The following HYKK variants were observed in gnomAD, a reference collection of about 807,000 sequenced individuals.
The protein encoded by HYKK is hydroxylysine kinase.
In HYKK, 19 loss-of-function variants were observed where a neutral mutation model predicts 29.7. That is an observed-to-expected ratio of 0.64 (90% CI 0.45 to 0.94). The LOEUF (loss-of-function observed/expected upper bound fraction) is 0.94. HYKK is among the 40% of genes least tolerant of loss of function. HYKK has a pLI of 0.00. For missense variants in HYKK, 390 were observed against 443.4 expected, an observed-to-expected ratio of 0.88 and a Z score of 1.08; for synonymous variants, 152 against 158.1, an observed-to-expected ratio of 0.96 and a Z score of 0.29.
intron 4 of HYKK, among the ~76,000 whole-genome samples, chr15:78,530,874 GT>G (rs1247950397): frequency 6.6e-6 from 1 of 151,582 alleles, no homozygotes; most frequent in Non-Finnish European, 1.5e-5. Context: ...TTGTTTGTTT[GT>G]TTTTGTTTTT....
At chr15:78,517,109 C>CTTTTTTTTTTTTTTTTTTTT (rs34680285) in intron 3 of HYKK, among the ~76,000 whole-genome samples, 2 of 108,404 alleles carry the variant, frequency 1.8e-5, no homozygotes, top group African/African-American at 3.3e-5. Context: ...TTCTTTCTTT[C>CTTTTTTTTTTTTTTTTTTTT]TTTTTTTTTT....
chr15:78,532,890 G>A (rs375973065), intron 4 of HYKK, among the ~76,000 whole-genome samples: 11 of 152,244 alleles, frequency 7.2e-5, no homozygotes, highest in East Asian at 5.8e-4. Context: ...CAATATGAAT[G>A]TGTTTCTATT....
Position 78,533,777 on chromosome 15 carries a change from G to A in HYKK, c.*107G>A. 2.7e-6 allele frequency: 2 copies of A among 734,468 alleles called. No homozygotes were observed. The highest frequency in any genetic ancestry group is 4.5e-6 in the Non-Finnish European group (2 of 440,912). 45.5% of individuals were successfully genotyped at this position (734,468 alleles called of 1,614,324 possible). A position where few individuals can be genotyped will look rare whatever the true frequency, so the allele number is the denominator to read the frequency against. On this transcript the variant is annotated 3_prime_UTR_variant, in exon 5 of 5. Coordinates refer to ENST00000388988, the MANE Select transcript of HYKK (RefSeq NM_001013619.4). ...CTGCATAGTTAAAAATCAACTGATGGAATGGATCAATTCTGAATATGACAG... is the reference window on the plus strand; with the variant it reads ...CTGCATAGTTAAAAATCAACTGATGAAATGGATCAATTCTGAATATGACAG...
Position 78,525,635 on chromosome 15 carries a change from C to T in HYKK, c.478-1745C>T, listed in dbSNP as rs565122148. On this transcript the variant is annotated intron_variant, in intron 3 of 4. Coordinates refer to ENST00000388988, the MANE Select transcript of HYKK (RefSeq NM_001013619.4). ...GCCTCAGCCTCCCAAGTAGTTGGGA[C>T]TACAGGCACCCACCACCATGCCTGG... 5.3e-5 allele frequency among the ~76,000 whole-genome samples: 8 copies of T among 152,132 alleles called. No individual in the cohort carries two copies. The East Asian group carries it at 1.2e-3, about 22-fold the overall frequency.
At chr15:78,536,868 G>A (rs2052367490), downstream of HYKK, among the ~76,000 whole-genome samples, 1 of 152,306 alleles carries the variant, frequency 6.6e-6, no homozygotes, top group African/African-American at 2.4e-5. Flanking sequence ...TCACCAATAT[G>A]GGTGGGCACC....
At chr15:78,524,844 G>C (rs571325747) in intron 3 of HYKK, among the ~76,000 whole-genome samples, 151 of 152,034 alleles carry the variant, frequency 9.9e-4, no homozygotes, top group African/African-American at 3.5e-3. Context: ...ACAAAAAACA[G>C]GTCTCATGAG....
chr15:78,530,695 A>G (rs982930350), intron 4 of HYKK, among the ~76,000 whole-genome samples: 1 of 151,886 alleles, frequency 6.6e-6, no homozygotes, highest in African/African-American at 2.4e-5. Flanking sequence ...ACAGGCATGC[A>G]TTACCATGCC....
chr15:78,531,656 C>T (rs1395909546), intron 4 of HYKK, among the ~76,000 whole-genome samples: 1 of 152,000 alleles, frequency 6.6e-6, no homozygotes, highest in African/African-American at 2.4e-5. Context: ...CTCAGCCTCC[C>T]GAATAGCTGG....
rs200466516 is a variant in HYKK at position 78,533,569 on chromosome 15, G to A, written c.1021G>A (p.Gly341Arg). 45 of 1,613,508 alleles carry A rather than the reference G, an allele frequency of 2.8e-5. No individual in the cohort carries two copies. Among genetic ancestry groups the A allele is most frequent in the Non-Finnish European group, 3.2e-5 (38 of 1,179,802 alleles). Residue 341 changes from glycine to arginine, a missense_variant, in exon 5 of 5, where the codon GGG becomes AGG. Coordinates refer to ENST00000388988, the MANE Select transcript of HYKK (RefSeq NM_001013619.4). ...CTATCTCATGGTTACTGCAAAAACCGGGTGGAAACACTTACAGCAAATGTT... is the reference window on the plus strand; with the variant it reads ...CTATCTCATGGTTACTGCAAAAACCAGGTGGAAACACTTACAGCAAATGTT... The part of the protein sequence containing the change: ...KDYLMVTAKT[G>R]WKHLQQMFDM...
rs1381288316 is a variant in HYKK at position 78,535,221 on chromosome 15, T to C, written c.*1551T>C. Reference sequence around the variant, plus strand: ...AACTAGATATTTCTCTAAATTGTCTTATATGGTTCATTTTTCACTTCTTTG... The same window carrying C: ...AACTAGATATTTCTCTAAATTGTCTCATATGGTTCATTTTTCACTTCTTTG... On this transcript the variant is annotated 3_prime_UTR_variant, in exon 5 of 5. Transcript: ENST00000388988. 1 of 152,044 alleles carries C rather than the reference T, an allele frequency of 6.6e-6. No homozygotes were observed. Among genetic ancestry groups the C allele is most frequent in the Non-Finnish European group, 1.5e-5 (1 of 68,018 alleles). The allele number at this position is 152,044 out of a possible 1,614,324, so 9.4% of individuals were successfully genotyped here. A position where few individuals can be genotyped will look rare whatever the true frequency, so the allele number is the denominator to read the frequency against.
At chr15:78,516,922 T>G (rs1282277251) in intron 3 of HYKK, among the ~76,000 whole-genome samples, 1 of 151,742 alleles carries the variant, frequency 6.6e-6, no homozygotes, top group Non-Finnish European at 1.5e-5. Context: ...CTTGGGAGGC[T>G]GAGGTGGGAG....
In HYKK at chr15:78,520,356, T is replaced by C. The variant is rs1364841740; in HGVS notation, c.477+5249T>C. Among the ~76,000 whole-genome samples, 9 of 152,170 alleles carry C rather than the reference T, an allele frequency of 5.9e-5. No homozygotes were observed. In the East Asian group the frequency reaches 1.5e-3, roughly 26 times the overall value. On this transcript the variant is annotated intron_variant, in intron 3 of 4. Transcript: ENST00000388988. ...GCAGATAAACAAGTGAACAAAGGTC[T>C]CTGGTTTTCCTAGGCAGAGGACCCT...
intron 1 of HYKK, among the ~76,000 whole-genome samples, chr15:78,508,356 TAGG>T (rs563496818): frequency 6.9e-4 from 105 of 152,294 alleles, no homozygotes; most frequent in Middle Eastern, 6.8e-3. Context: ...AAAGGGAATG[TAGG>T]AGAAGAAAGG....
intron 3 of HYKK, among the ~76,000 whole-genome samples, chr15:78,521,764 A>G (rs2052199174): frequency 6.6e-6 from 1 of 152,074 alleles, no homozygotes; most frequent in African/African-American, 2.4e-5. Flanking sequence ...AAGGAAACTA[A>G]AATCTGGGAT....
chr15:78,515,745 C>T (rs1469620203), intron 3 of HYKK, among the ~76,000 whole-genome samples: 2 of 152,066 alleles, frequency 1.3e-5, no homozygotes, highest in African/African-American at 4.8e-5. Context: ...CCCACCACCA[C>T]GCCCGGCTAA....
intron 3 of HYKK, among the ~76,000 whole-genome samples, chr15:78,520,815 C>G (rs2052186150): frequency 6.6e-6 from 1 of 151,886 alleles, no homozygotes; most frequent in South Asian, 2.1e-4. Flanking sequence ...GTAGGGGCGG[C>G]CGGGCAGAGG....
intron 4 of HYKK, among the ~76,000 whole-genome samples, chr15:78,532,984 C>A (rs2052326349): frequency 6.6e-6 from 1 of 152,182 alleles, no homozygotes; most frequent in African/African-American, 2.4e-5. Flanking sequence ...TAACTGCAGT[C>A]TCCAGCTTCT....
intron 3 of HYKK, among the ~76,000 whole-genome samples, chr15:78,523,749 C>T (rs1210772620): frequency 6.6e-6 from 1 of 152,194 alleles, no homozygotes; most frequent in Non-Finnish European, 1.5e-5. Context: ...GGTAAACACT[C>T]CTATTCCAAA....
intron 1 of HYKK, among the ~76,000 whole-genome samples, chr15:78,511,332 G>C (rs1267804999): frequency 6.6e-6 from 1 of 152,038 alleles, no homozygotes. Flanking sequence ...TATGTAGCTG[G>C]ATGCTCAGAA....
Sources: allele counts gnomAD v4.1 joint callset (sites outside exome capture counted in the v4.1 genomes callset), GRCh38; gene constraint gnomAD v4.1.1; transcripts MANE v1.5; gene names NCBI Gene and HGNC (gene_info 2026-07-23, HGNC 2026-07-21).